Variants in DGKG observed in about 807,000 individuals in gnomAD.
DGKG encodes the protein diacylglycerol kinase gamma.
DGKG carries 78 observed loss-of-function variants against 105.3 expected under a neutral mutation model. The observed-to-expected ratio is 0.74, with a 90% CI of 0.62 to 0.89. The LOEUF is 0.89. DGKG is among the 40% of genes least tolerant of loss of function. The pLI, the probability that DGKG is intolerant of heterozygous loss-of-function variation, is 0.00. For synonymous variants in DGKG, 346 were observed against 367.1 expected (o/e 0.94, Z 0.66); for missense variants, 958 against 1,020.1 (o/e 0.94, Z 0.83).
intron 20 of DGKG, among the ~76,000 whole-genome samples, chr3:186,213,166 T>C (rs1719116069): frequency 6.6e-6 from 1 of 152,172 alleles, no homozygotes; most frequent in Admixed American, 6.5e-5. Flanking sequence ...TAATAAATGA[T>C]GAAGAAAGTA....
At chr3:186,314,494 C>A (rs1362066078) in intron 2 of DGKG, among the ~76,000 whole-genome samples, 1 of 152,184 alleles carries the variant, frequency 6.6e-6, no homozygotes, top group East Asian at 1.9e-4. Flanking sequence ...GTGGCTCACG[C>A]CTGTAGTCCC....
In DGKG at chr3:186,226,470, C is replaced by G. The variant is rs1719866744; in HGVS notation, c.1827-14585G>C. ...CCGTGATTATGAGCAGCCGCTTCCCCTCTCCCCACCCAAGTTCAGGGGCAA... is the reference window on the plus strand; with the variant it reads ...CCGTGATTATGAGCAGCCGCTTCCCGTCTCCCCACCCAAGTTCAGGGGCAA... On this transcript the variant is annotated intron_variant, in intron 20 of 24. Transcript: ENST00000265022. The surrounding 1 kb of genome is among the most constrained non-coding windows in gnomAD (Gnocchi z 4.2). Among the ~76,000 whole-genome samples, 1 of 146,668 alleles carries G rather than the reference C, an allele frequency of 6.8e-6. No individual in the cohort carries two copies. The highest frequency in any genetic ancestry group is 2.4e-5 in the African/African-American group (1 of 41,058).
At position 186,179,264 on chromosome 3, in the gene DGKG, C is replaced by T. The variant is rs183473709; in HGVS notation, c.2095+8938G>A. On this transcript the variant is annotated intron_variant, in intron 22 of 24. Coordinates refer to ENST00000265022, the MANE Select transcript of DGKG (RefSeq NM_001346.3). ...CCGTGCCCGTTCATTTAAATATTGC[C>T]TATGGTGGTTTTCATGCTAAGTGGA... 3.2e-4 allele frequency among the ~76,000 whole-genome samples: 49 copies of T among 152,296 alleles called. No homozygotes were observed. The East Asian group carries it at 9.1e-3, about 28-fold the overall frequency.
At chr3:186,206,999 T>C (rs766853550) in intron 21 of DGKG, among the ~76,000 whole-genome samples, 5 of 151,996 alleles carry the variant, frequency 3.3e-5, no homozygotes, top group Non-Finnish European at 7.4e-5. Flanking sequence ...TCTGCTCACC[T>C]CAGCCTCCCA....
chr3:186,249,990 C>T (rs1721128440), intron 19 of DGKG, among the ~76,000 whole-genome samples: 1 of 152,080 alleles, frequency 6.6e-6, no homozygotes, highest in Non-Finnish European at 1.5e-5. Context: ...GCAGGTATCA[C>T]AGAGTCTGGG....
chr3:186,293,940 C>T (rs1723426478), intron 5 of DGKG, among the ~76,000 whole-genome samples: 1 of 151,820 alleles, frequency 6.6e-6, no homozygotes, highest in African/African-American at 2.4e-5. Flanking sequence ...GTTTTTTTCC[C>T]TTAAATCTCA....
intron 23 of DGKG, 144 bp from the exon 24 acceptor site, chr3:186,161,807 A>C: frequency 7.4e-7 from 1 of 1,342,666 alleles, no homozygotes; most frequent in Non-Finnish European, 1.0e-6. Context: ...GAACTTGTTA[A>C]AAATAGATTT....
intron 24 of DGKG, among the ~76,000 whole-genome samples, chr3:186,152,981 T>A (rs1321104065): frequency 8.1e-5 from 8 of 98,792 alleles, no homozygotes; most frequent in Non-Finnish European, 1.4e-4. Flanking sequence ...TTTTTTTTTT[T>A]ATTTAGATGA....
intron 20 of DGKG, among the ~76,000 whole-genome samples, chr3:186,233,774 C>T (rs1032977490): frequency 6.6e-6 from 1 of 152,242 alleles, no homozygotes; most frequent in African/African-American, 2.4e-5. Context: ...TGAGCCACCA[C>T]GCCCAGCCAG....
rs897699028 is a variant in DGKG at position 186,284,501 on chromosome 3, A to G, written c.594+159T>C. Reference sequence around the variant, plus strand: ...TCTGCAAGGCCGGCCCTTTGGAAATAGCGGGTGGAGAGGTCCTAGTCGGAT... The same window carrying G: ...TCTGCAAGGCCGGCCCTTTGGAAATGGCGGGTGGAGAGGTCCTAGTCGGAT... On this transcript the variant is annotated intron_variant, in intron 7 of 24. Transcript: ENST00000265022. The surrounding 1 kb of genome is among the most constrained non-coding windows in gnomAD (Gnocchi z 4.0). Among the ~76,000 whole-genome samples the G allele has an allele frequency of 6.6e-6, 1 of 152,186 alleles. No homozygotes were observed. The highest frequency in any genetic ancestry group is 1.5e-5 in the Non-Finnish European group (1 of 68,028).
chr3:186,334,814 G>A (rs1006613337), intron 1 of DGKG, among the ~76,000 whole-genome samples: 1 of 152,114 alleles, frequency 6.6e-6, no homozygotes, highest in Non-Finnish European at 1.5e-5. Context: ...TCCTGGATTG[G>A]AATTATGTTA....
rs541343170 is a variant in DGKG, at chr3:186,252,501, G to A, written c.1601-582C>T. Among the ~76,000 whole-genome samples the A allele has an allele frequency of 1.2e-4, 19 of 152,334 alleles. No individual in the cohort carries two copies. The South Asian group carries it at 3.9e-3, about 32-fold the overall frequency. On this transcript the variant is annotated intron_variant, in intron 18 of 24. Transcript: ENST00000265022. ...TTTCTGGCGCATGTCCAACGCCATG[G>A]GGGCTACTGCAGTTTGCAAAGTTCT... is the stretch of plus-strand genomic sequence containing the variant.
intron 10 of DGKG, among the ~76,000 whole-genome samples, chr3:186,273,612 A>G: frequency 6.6e-6 from 1 of 151,860 alleles, no homozygotes; most frequent in East Asian, 1.9e-4. Context: ...TGACCTCGTG[A>G]TCCACCCGTC....
intron 1 of DGKG, among the ~76,000 whole-genome samples, chr3:186,353,561 G>GTATGTATATATATATATATA (rs1726739398): frequency 1.9e-5 from 2 of 107,946 alleles, no homozygotes; most frequent in African/African-American, 9.7e-5. Context: ...ATACTTTTAT[G>GTATGTATATATATATATATA]TATGTATATA....
rs188142757 is a variant in DGKG, at chr3:186,284,815, G to A, written c.545-106C>T. 339 of 891,342 alleles carry A rather than the reference G, an allele frequency of 3.8e-4. 1 individual carries two copies. The African/African-American group carries it at 5.1e-3, about 13-fold the overall frequency. The allele number at this position is 891,342 out of a possible 1,614,324, so 55.2% of individuals were successfully genotyped here. A position where few individuals can be genotyped will look rare whatever the true frequency, so the allele number is the denominator to read the frequency against. On this transcript the variant is annotated intron_variant, in intron 6 of 24. Transcript: ENST00000265022. The surrounding 1 kb of genome is among the most constrained non-coding windows in gnomAD (Gnocchi z 4.0). ...AGATTAGTTCTGTCACCACTGTGAC[G>A]AAGGTTATGGCAGCCAGCTCTCCCT...
chr3:186,240,235 T>C (rs1720618792), intron 20 of DGKG, among the ~76,000 whole-genome samples: 2 of 152,188 alleles, frequency 1.3e-5, no homozygotes, highest in African/African-American at 2.4e-5. Context: ...GTCTCTGTCA[T>C]TGGAAAACCC....
chr3:186,299,486 A>G (rs1157958871), intron 3 of DGKG, among the ~76,000 whole-genome samples: 1 of 152,214 alleles, frequency 6.6e-6, no homozygotes, highest in Non-Finnish European at 1.5e-5. Context: ...TCTCCTTTGC[A>G]GAGTGAAGGA....
At chr3:186,274,378 T>C (rs1722477099) in intron 10 of DGKG, among the ~76,000 whole-genome samples, 2 of 151,964 alleles carry the variant, frequency 1.3e-5, no homozygotes, top group South Asian at 4.2e-4. Context: ...TTTTTATTTT[T>C]TATTTTTTTA....
At chr3:186,297,587 C>A in intron 4 of DGKG, 104 bp from the exon 5 acceptor site, 1 of 816,648 alleles carries the variant, frequency 1.2e-6, no homozygotes, top group South Asian at 1.4e-5. Context: ...TTGATTGTGT[C>A]TGTGTCTCGG....
Sources: allele counts gnomAD v4.1 joint callset (sites outside exome capture counted in the v4.1 genomes callset), GRCh38; gene constraint gnomAD v4.1.1; non-coding constraint Gnocchi (gnomAD v3.1); transcripts MANE v1.5; gene names NCBI Gene and HGNC (gene_info 2026-07-23, HGNC 2026-07-21).